The following BRIP1 variants were observed in gnomAD, a reference collection of about 807,000 sequenced individuals.
BRIP1 encodes the protein BRCA1 interacting DNA helicase 1.
A neutral mutation model predicts 119.7 loss-of-function variants in BRIP1; 88 were observed. The ratio of observed to expected loss-of-function variants is 0.74; its 90% CI spans 0.62 to 0.88. BRIP1 has a LOEUF of 0.88. BRIP1 is among the 40% of genes least tolerant of loss of function. The pLI, the probability that BRIP1 is intolerant of heterozygous loss-of-function variation, is 0.00. For missense variants in BRIP1, 1,259 were observed against 1,455.4 expected (o/e 0.87, Z 2.20); for synonymous variants, 443 against 496.5 (o/e 0.89, Z 1.43).
In BRIP1 at chr17:61,680,566, A is replaced by G. The variant is rs1396028547; in HGVS notation, c.*2730T>C. Among the ~76,000 whole-genome samples the G allele has an allele frequency of 4.6e-5, 6 of 130,980 alleles. No individual in the cohort carries two copies. Among genetic ancestry groups the G allele is most frequent in the South Asian group, 4.8e-4 (2 of 4,188 alleles). 85.9% of individuals were successfully genotyped at this position (130,980 alleles called of 152,430 possible). ...GCAATCTCGGCTCACTGCAAGCTCC[A>G]CCTCCCGGGTTCACGCCATTCTCCT... On this transcript the variant is annotated 3_prime_UTR_variant, in exon 20 of 20. Transcript: ENST00000259008.
intron 6 of BRIP1, among the ~76,000 whole-genome samples, chr17:61,833,465 T>C (rs1357008421): frequency 6.6e-6 from 1 of 151,958 alleles, no homozygotes; most frequent in Non-Finnish European, 1.5e-5. Context: ...AGGTTGGGAG[T>C]TCGAAACATG....
Position 61,708,692 on chromosome 17 carries a change from T to C in BRIP1, c.2492+7259A>G, listed in dbSNP as rs2061729899. 6.6e-6 allele frequency among the ~76,000 whole-genome samples: 1 copy of C among 152,222 alleles called. No homozygotes were observed. On this transcript the variant is annotated intron_variant, in intron 17 of 19. Transcript: ENST00000259008. This position sits in a 1 kb window ranked among gnomAD's most constrained non-coding sequence, Gnocchi z 4.4. ...TTCTTTGACAATCTGGTGAAGACTCTGCACTTACTTAAGAGTAAGGCACTA... is the reference window on the plus strand; with the variant it reads ...TTCTTTGACAATCTGGTGAAGACTCCGCACTTACTTAAGAGTAAGGCACTA...
At position 61,814,608 on chromosome 17, in the gene BRIP1, T is replaced by G. The variant is rs1434966316; in HGVS notation, c.628-5851A>C. 6.6e-6 allele frequency among the ~76,000 whole-genome samples: 1 copy of G among 152,076 alleles called. No individual in the cohort carries two copies. The highest frequency in any genetic ancestry group is 1.5e-5 in the Non-Finnish European group (1 of 67,942). On this transcript the variant is annotated intron_variant, in intron 6 of 19. Coordinates refer to ENST00000259008, the MANE Select transcript of BRIP1 (RefSeq NM_032043.3). The surrounding 1 kb of genome is among the most constrained non-coding windows in gnomAD (Gnocchi z 4.9). ...TACTGGAGAGGATATGAAGAAACTC[T>G]TATTCACTGCTGATCGAAGTATAAA...
Position 61,715,953 on chromosome 17 carries a change from A to G in BRIP1, c.2490T>C (p.Gly830=). 6 of 1,578,798 alleles carry G rather than the reference A, an allele frequency of 3.8e-6. No homozygotes were observed. The highest frequency in any genetic ancestry group is 5.2e-6 in the Non-Finnish European group (6 of 1,149,704). ...QAYRALNQAL[G]RCIRHRNDWG... ...ATATTAAATTTCACTCCACTTACCT[A>G]CCAAGGGCCTGGTTTAAGGCCCTGT... Residue 830 remains glycine (G), a splice_region_variant and synonymous_variant, in exon 17 of 20, where the codon GGT becomes GGC. Coordinates refer to ENST00000259008, the MANE Select transcript of BRIP1 (RefSeq NM_032043.3).
chr17:61,784,057 G>C, intron 11 of BRIP1: 1 of 462,260 alleles, frequency 2.2e-6, no homozygotes, highest in Admixed American at 3.8e-5. Context: ...ACTTCAGCCT[G>C]GGTGACAGAG....
rs911122221 is a variant in BRIP1 at position 61,679,535 on chromosome 17, A to G, written c.*3761T>C. Among the ~76,000 whole-genome samples, 3 of 152,200 alleles carry G rather than the reference A, an allele frequency of 2.0e-5. No homozygotes were observed. The highest frequency in any genetic ancestry group is 4.4e-5 in the Non-Finnish European group (3 of 68,020). The stretch of plus-strand genomic sequence containing the variant: ...ATTTCATATGCATTGAATGTGTCAC[A>G]TAAATTATTTGATAAACAATCTCTA... On this transcript the variant is annotated 3_prime_UTR_variant, in exon 20 of 20. Transcript: ENST00000259008. The surrounding 1 kb of genome is among the most constrained non-coding windows in gnomAD (Gnocchi z 4.4).
At position 61,684,155 on chromosome 17, in the gene BRIP1, A is replaced by G. The variant is rs771068891; in HGVS notation, c.2906-15T>C. On this transcript the variant is annotated splice_polypyrimidine_tract_variant and intron_variant, in intron 19 of 19. Transcript: ENST00000259008. This position sits in a 1 kb window ranked among gnomAD's most constrained non-coding sequence, Gnocchi z 4.5. ...TACTGGATCATCTAAGAATACAAGA[A>G]TTTAAGAGATTTAACTTTCTGCTCC... 1 of 1,611,212 alleles carries G rather than the reference A, an allele frequency of 6.2e-7. No homozygotes were observed. Among genetic ancestry groups the G allele is most frequent in the Admixed American group, 1.7e-5 (1 of 59,652 alleles).
In BRIP1 at chr17:61,700,873, T is replaced by A. The variant is rs1045543190; in HGVS notation, c.2493-7361A>T. Among the ~76,000 whole-genome samples the A allele has an allele frequency of 2.6e-5, 4 of 152,180 alleles. No homozygotes were observed. Among genetic ancestry groups the A allele is most frequent in the Non-Finnish European group, 5.9e-5 (4 of 68,048 alleles). On this transcript the variant is annotated intron_variant, in intron 17 of 19. Transcript: ENST00000259008. This position sits in a 1 kb window ranked among gnomAD's most constrained non-coding sequence, Gnocchi z 4.1. ...TCTTTCTGTTCTTCAGAGTAAATAATCTCAATTGATGTTTAAGTAAATCAA... is the reference window on the plus strand; with the variant it reads ...TCTTTCTGTTCTTCAGAGTAAATAAACTCAATTGATGTTTAAGTAAATCAA...
chr17:61,727,104 G>A (rs1369413145), intron 16 of BRIP1, among the ~76,000 whole-genome samples: 1 of 152,216 alleles, frequency 6.6e-6, no homozygotes, highest in East Asian at 1.9e-4. Flanking sequence ...CATTCAGCAG[G>A]TGACAGAGAC....
Position 61,778,134 on chromosome 17 carries a change from C to T in BRIP1, c.1936-1572G>A, listed in dbSNP as rs1321139987. Among the ~76,000 whole-genome samples the T allele has an allele frequency of 6.6e-6, 1 of 152,184 alleles. No individual in the cohort carries two copies. The highest frequency in any genetic ancestry group is 2.4e-5 in the African/African-American group (1 of 41,440). On this transcript the variant is annotated intron_variant, in intron 13 of 19. Transcript: ENST00000259008. The surrounding 1 kb of genome is among the most constrained non-coding windows in gnomAD (Gnocchi z 4.4). ...ACATTATTCACCTTTAAAGAGGAAA[C>T]TCTGGCACATGCTACAACATAGATG...
At position 61,699,359 on chromosome 17, in the gene BRIP1, CTG is replaced by C. The variant is rs2061577123; in HGVS notation, c.2493-5849_2493-5848del. On this transcript the variant is annotated intron_variant, in intron 17 of 19. Transcript: ENST00000259008. The surrounding 1 kb of genome is among the most constrained non-coding windows in gnomAD (Gnocchi z 4.8). The stretch of plus-strand genomic sequence containing the variant: ...TATATGCCTTACGTATTTTGTTCTT[CTG>C]TCTTTCCATTACTTTCCATTTTCTC... 6.6e-6 allele frequency among the ~76,000 whole-genome samples: 1 copy of C among 152,136 alleles called. No homozygotes were observed. The highest frequency in any genetic ancestry group is 6.5e-5 in the Admixed American group (1 of 15,274).
At position 61,803,444 on chromosome 17, in the gene BRIP1, T is replaced by C. The variant is rs768346063; in HGVS notation, c.919-1970A>G. 1.3e-5 allele frequency among the ~76,000 whole-genome samples: 2 copies of C among 152,078 alleles called. No homozygotes were observed. The highest frequency in any genetic ancestry group is 2.9e-5 in the Non-Finnish European group (2 of 68,010). On this transcript the variant is annotated intron_variant, in intron 7 of 19. Transcript: ENST00000259008. This position sits in a 1 kb window ranked among gnomAD's most constrained non-coding sequence, Gnocchi z 4.3. The stretch of plus-strand genomic sequence containing the variant: ...CAGGCTGGGCACAGTGGCTCATGCC[T>C]ATAATCCCAACATTTTGAGAGGCCA...
Position 61,704,804 on chromosome 17 carries a change from A to C in BRIP1, c.2492+11147T>G, listed in dbSNP as rs994193464. 1.8e-4 allele frequency among the ~76,000 whole-genome samples: 28 copies of C among 152,064 alleles called. No homozygotes were observed. Among genetic ancestry groups the C allele is most frequent in the Non-Finnish European group, 4.4e-5 (3 of 68,010 alleles). On this transcript the variant is annotated intron_variant, in intron 17 of 19. Transcript: ENST00000259008. This position sits in a 1 kb window ranked among gnomAD's most constrained non-coding sequence, Gnocchi z 5.7. ...TTCTTTTAATGCCTGTGGAGTCTGT[A>C]GTTATACTATTAATACCTCTTTTAT...
Position 61,734,325 on chromosome 17 carries a change from T to C in BRIP1, c.2379+8688A>G, listed in dbSNP as rs2076889429. On this transcript the variant is annotated intron_variant, in intron 16 of 19. Transcript: ENST00000259008. This position sits in a 1 kb window ranked among gnomAD's most constrained non-coding sequence, Gnocchi z 5.2. Reference sequence around the variant, plus strand: ...TTAGTTATACTTTTCCATCGACATCTAGTCATATAAAAGCCTTGGTTCATT... The same window carrying C: ...TTAGTTATACTTTTCCATCGACATCCAGTCATATAAAAGCCTTGGTTCATT... 6.6e-6 allele frequency among the ~76,000 whole-genome samples: 1 copy of C among 152,248 alleles called. No homozygotes were observed. Among genetic ancestry groups the C allele is most frequent in the Non-Finnish European group, 1.5e-5 (1 of 68,038 alleles).
intron 16 of BRIP1, among the ~76,000 whole-genome samples, chr17:61,723,771 T>C (rs1002926566): frequency 6.6e-6 from 1 of 152,124 alleles, no homozygotes; most frequent in Admixed American, 6.5e-5. Context: ...AATAAATTAG[T>C]GTATGTGTAA....
intron 6 of BRIP1, among the ~76,000 whole-genome samples, chr17:61,812,831 G>A (rs777871445): frequency 2.7e-4 from 41 of 152,038 alleles, no homozygotes; most frequent in Admixed American, 2.2e-3. Context: ...TGAAGAGTTC[G>A]AAGATTTGAT....
rs1443258267 is a variant in BRIP1, at chr17:61,711,868, A to ATC, written c.2492+4082_2492+4083insGA. 4.3e-3 allele frequency among the ~76,000 whole-genome samples: 647 copies of ATC among 151,198 alleles called. 3 individuals carry two copies. The highest frequency in any genetic ancestry group is 0.015 in the African/African-American group (609 of 41,300). On this transcript the variant is annotated intron_variant, in intron 17 of 19. Coordinates refer to ENST00000259008, the MANE Select transcript of BRIP1 (RefSeq NM_032043.3). ...GGGAAACAGAGCAAGACTCTCTCAAAAAAAAAATAATAATAATAATAAAAA... is the reference window on the plus strand; with the variant it reads ...GGGAAACAGAGCAAGACTCTCTCAAATCAAAAAAATAATAATAATAATAAAAA...
Position 61,807,298 on chromosome 17 carries a change from A to G in BRIP1, c.918+1169T>C, listed in dbSNP as rs1277153478. ...ATATACAGAGTAAAGGAATTTCACA[A>G]TTCCTCAGTTAGTTAGAAATAACTC... On this transcript the variant is annotated intron_variant, in intron 7 of 19. Coordinates refer to ENST00000259008, the MANE Select transcript of BRIP1 (RefSeq NM_032043.3). The surrounding 1 kb of genome is among the most constrained non-coding windows in gnomAD (Gnocchi z 4.5). Among the ~76,000 whole-genome samples, 1 of 152,216 alleles carries G rather than the reference A, an allele frequency of 6.6e-6. No individual in the cohort carries two copies. Among genetic ancestry groups the G allele is most frequent in the African/African-American group, 2.4e-5 (1 of 41,458 alleles).
chr17:61,767,497 A>G lies in BRIP1; in HGVS notation c.2097+8904T>C, dbSNP rs2077390033. Among the ~76,000 whole-genome samples, 1 of 152,024 alleles carries G rather than the reference A, an allele frequency of 6.6e-6. No individual in the cohort carries two copies. Among genetic ancestry groups the G allele is most frequent in the African/African-American group, 2.4e-5 (1 of 41,408 alleles). ...TCTATGTTACCCAGGCTGGTCTTGA[A>G]CATCTGGCCTCAAGTGATCCTCCTA... On this transcript the variant is annotated intron_variant, in intron 14 of 19. Transcript: ENST00000259008. The surrounding 1 kb of genome is among the most constrained non-coding windows in gnomAD (Gnocchi z 5.7).
Sources: allele counts gnomAD v4.1 joint callset (sites outside exome capture counted in the v4.1 genomes callset), GRCh38; gene constraint gnomAD v4.1.1; non-coding constraint Gnocchi (gnomAD v3.1); transcripts MANE v1.5; gene names NCBI Gene and HGNC (gene_info 2026-07-23, HGNC 2026-07-21).